SLC9A9: variants seen among roughly 807,000 people sequenced by gnomAD.
SLC9A9 encodes the protein sodium/hydrogen exchanger 9.
A neutral mutation model predicts 77.8 loss-of-function variants in SLC9A9; 62 were observed. That is an observed-to-expected ratio of 0.80 (90% confidence interval 0.65 to 0.98). The LOEUF (loss-of-function observed/expected upper bound fraction) is 0.98. SLC9A9 is among the 50% of genes least tolerant of loss of function. The probability of loss-of-function intolerance (pLI) is 0.00; values close to 1 mark genes in which losing one functional copy is unlikely to be tolerated. For synonymous variants in SLC9A9, 320 were observed against 283.5 expected (o/e 1.13, Z -1.29); for missense variants, 775 against 774.9 (o/e 1.00, Z 0.00).
At chr3:143,647,936 T>C (rs1316498085) in intron 6 of SLC9A9, among the ~76,000 whole-genome samples, 1 of 152,186 alleles carries the variant, frequency 6.6e-6, no homozygotes, top group Non-Finnish European at 1.5e-5. Context: ...TTCTCTAAGT[T>C]TCCTGGATCA....
rs569223781 is a variant in SLC9A9, at chr3:143,837,588, GC to G, written c.176-5368del. Among the ~76,000 whole-genome samples the G allele has an allele frequency of 2.7e-3, 408 of 152,254 alleles. 1 individual carries two copies. The highest frequency in any genetic ancestry group is 9.4e-3 in the African/African-American group (389 of 41,534). Reference sequence around the variant, plus strand: ...GTGTATCAGGTCCTATTGATCGCCAGCCCAATGTCTATCCTTGTTTACCCCA... The same window carrying G: ...GTGTATCAGGTCCTATTGATCGCCAGCCAATGTCTATCCTTGTTTACCCCA... On this transcript the variant is annotated intron_variant, in intron 1 of 15. Transcript: ENST00000316549.
At chr3:143,472,173 A>G (rs200338066) in intron 11 of SLC9A9, among the ~76,000 whole-genome samples, 1 of 152,246 alleles carries the variant, frequency 6.6e-6, no homozygotes, top group African/African-American at 2.4e-5. Flanking sequence ...CAGACACAGT[A>G]CAAGAATGAC....
At chr3:143,447,755 CA>C (rs1410300416) in intron 12 of SLC9A9, among the ~76,000 whole-genome samples, 8 of 152,118 alleles carry the variant, frequency 5.3e-5, no homozygotes, top group African/African-American at 1.9e-4. Flanking sequence ...CTAAAGATGG[CA>C]GAAACATACT....
intron 9 of SLC9A9, among the ~76,000 whole-genome samples, chr3:143,524,776 T>A (rs780869432): frequency 3.3e-5 from 5 of 152,226 alleles, no homozygotes; most frequent in Non-Finnish European, 7.3e-5. Flanking sequence ...TACGAAGTGA[T>A]TAAAATGGAT....
intron 6 of SLC9A9, among the ~76,000 whole-genome samples, chr3:143,616,396 C>A (rs80305971): frequency 0.11 from 16,372 of 152,106 alleles, 1,053 homozygotes; most frequent in Non-Finnish European, 0.14. Flanking sequence ...TCCCCAAACA[C>A]CAAAAACACC....
At chr3:143,487,619 G>A (rs2035675236) in intron 11 of SLC9A9, among the ~76,000 whole-genome samples, 1 of 151,756 alleles carries the variant, frequency 6.6e-6, no homozygotes, top group Non-Finnish European at 1.5e-5. Flanking sequence ...TGCATATATG[G>A]AAATTAAATA....
chr3:143,577,258 C>T (rs2037374351), intron 7 of SLC9A9, among the ~76,000 whole-genome samples: 1 of 152,168 alleles, frequency 6.6e-6, no homozygotes, highest in African/African-American at 2.4e-5. Context: ...GTCCCCTCAT[C>T]CTCCATTTCT....
chr3:143,417,451 G>GAGGGAGGGGA (rs1159703377), intron 12 of SLC9A9, among the ~76,000 whole-genome samples: 1 of 150,112 alleles, frequency 6.7e-6, no homozygotes, highest in Non-Finnish European at 1.5e-5. Flanking sequence ...TTATAAGAGA[G>GAGGGAGGGGA]AGGGAGGGGA....
intron 13 of SLC9A9, among the ~76,000 whole-genome samples, chr3:143,368,690 T>C (rs11716489): frequency 0.19 from 28,403 of 152,108 alleles, 2,869 homozygotes; most frequent in Non-Finnish European, 0.22. Context: ...TACCTGTGAA[T>C]AGAATTTGCT....
At chr3:143,656,157 A>G (rs995272390) in intron 5 of SLC9A9, among the ~76,000 whole-genome samples, 10 of 152,328 alleles carry the variant, frequency 6.6e-5, no homozygotes, top group Admixed American at 2.0e-4. Flanking sequence ...GAAAATGTGC[A>G]GAATATCTTG....
chr3:143,806,351 T>C (rs1049042985), intron 2 of SLC9A9, among the ~76,000 whole-genome samples: 2 of 152,176 alleles, frequency 1.3e-5, no homozygotes, highest in African/African-American at 4.8e-5. Flanking sequence ...CCCTCTTTTG[T>C]GGCATCTGTG....
chr3:143,527,750 C>A (rs893215910), intron 9 of SLC9A9, among the ~76,000 whole-genome samples: 1 of 152,136 alleles, frequency 6.6e-6, no homozygotes, highest in Non-Finnish European at 1.5e-5. Context: ...AATGTTTAAC[C>A]CTTCTTCCCT....
chr3:143,725,027 C>A lies in SLC9A9; in HGVS notation c.534-31720G>T, dbSNP rs947957412. Among the ~76,000 whole-genome samples, 2 of 152,242 alleles carry A rather than the reference C, an allele frequency of 1.3e-5. 1 individual carries two copies. The highest frequency in any genetic ancestry group is 1.3e-4 in the Admixed American group (2 of 15,292). ...CCTCCTTCCTGCTCCTGCCCCCAGC[C>A]CCCCCACTGCCTGGGCCCCTACATA... is the stretch of plus-strand genomic sequence containing the variant. On this transcript the variant is annotated intron_variant, in intron 4 of 15. Transcript: ENST00000316549.
chr3:143,289,584 T>C (rs762606696), intron 14 of SLC9A9, among the ~76,000 whole-genome samples: 1 of 152,064 alleles, frequency 6.6e-6, no homozygotes, highest in Non-Finnish European at 1.5e-5. Context: ...CTCCAACTCT[T>C]TCCTCTCCCT....
At chr3:143,514,678 C>T (rs72991983) in intron 9 of SLC9A9, among the ~76,000 whole-genome samples, 2 of 152,198 alleles carry the variant, frequency 1.3e-5, no homozygotes, top group Non-Finnish European at 1.5e-5. Context: ...CATGAACAAA[C>T]CTTGCTAGCT....
rs529390844 is a variant in SLC9A9, at chr3:143,461,463, C to T, written c.1469+5574G>A. The stretch of plus-strand genomic sequence containing the variant: ...TGGGTAAGAAAAGGCTCATAGGTAT[C>T]CTCTGGTACTGTTATAGCAATATTT... On this transcript the variant is annotated intron_variant, in intron 12 of 15. Coordinates refer to ENST00000316549, the MANE Select transcript of SLC9A9 (RefSeq NM_173653.4). 4.6e-5 allele frequency among the ~76,000 whole-genome samples: 7 copies of T among 152,242 alleles called. No individual in the cohort carries two copies. The South Asian group carries it at 8.3e-4, about 18-fold the overall frequency.
intron 8 of SLC9A9, among the ~76,000 whole-genome samples, chr3:143,555,347 A>G (rs2036962551): frequency 2.6e-5 from 4 of 152,202 alleles, no homozygotes; most frequent in African/African-American, 7.2e-5. Flanking sequence ...TCTTGAACAT[A>G]TCTTTATCAG....
chr3:143,498,002 C>T (rs114103486), intron 9 of SLC9A9, among the ~76,000 whole-genome samples: 1,782 of 152,214 alleles, frequency 0.012, 42 homozygotes, highest in African/African-American at 0.04. Flanking sequence ...GGAATCTTTG[C>T]GCTACATTTT....
chr3:143,655,705 C>CACAG, intron 5 of SLC9A9: 6 of 872,722 alleles, frequency 6.9e-6, no homozygotes, highest in Non-Finnish European at 8.2e-6. Flanking sequence ...CACACACACA[C>CACAG]ACACACAAAC....
Sources: gnomAD v4.1 joint callset for allele counts (sites outside exome capture counted in the v4.1 genomes callset) on GRCh38, gnomAD v4.1.1 for gene constraint, MANE v1.5 for transcripts, NCBI Gene and HGNC (gene_info 2026-07-23, HGNC 2026-07-21) for gene names.